The following TF variants were observed in gnomAD, a reference collection of about 807,000 sequenced individuals.
TF encodes serotransferrin.
Under a neutral mutation model 82.4 loss-of-function variants are expected in TF, and 55 were observed. The observed-to-expected ratio is 0.67, with a 90% CI of 0.54 to 0.84. The LOEUF (loss-of-function observed/expected upper bound fraction) is 0.84, where lower values mean the gene tolerates loss of function less well. TF is among the 40% of genes least tolerant of loss of function. The pLI is 0.00. For synonymous variants in TF, 332 were observed against 332.6 expected, an observed-to-expected ratio of 1.00 and a Z score of 0.02; for missense variants, 737 against 868.4, an observed-to-expected ratio of 0.85 and a Z score of 1.90.
chr3:133,758,046 C>T (rs1448062980), intron 8 of TF, 100 bp downstream of exon 8: 2 of 1,132,838 alleles, frequency 1.8e-6, no homozygotes, highest in African/African-American at 1.6e-5. Context: ...CACGCCTCTC[C>T]TGATGCTCCT....
At chr3:133,730,381 C>G in the TF span, among the ~76,000 whole-genome samples, 1 of 152,214 alleles carries the variant, frequency 6.6e-6, no homozygotes, top group African/African-American at 2.4e-5. Context: ...TTCTGGAAGA[C>G]TCTCCCCTGG....
chr3:133,735,254 T>G, the TF span, among the ~76,000 whole-genome samples: 54 of 151,132 alleles, frequency 3.6e-4, no homozygotes, highest in Middle Eastern at 3.4e-3. Flanking sequence ...CACAGAGAAT[T>G]GCTTGAACCT....
intron 13 of TF, among the ~76,000 whole-genome samples, chr3:133,768,556 A>C (rs969496292): frequency 9.2e-5 from 14 of 152,222 alleles, no homozygotes; most frequent in African/African-American, 2.7e-4. Flanking sequence ...ACAACAAACA[A>C]TTATCCAGCC....
chr3:133,748,482 C>T lies in TF; in HGVS notation c.114C>T (p.Cys38=), dbSNP rs1245387700. ...CAVSEHEATK[C]QSFRDHMKSV... ...TGTCGGAGCATGAGGCCACTAAGTGCCAGAGTTTCCGCGACCATATGAAAA... is the reference window on the plus strand; with the variant it reads ...TGTCGGAGCATGAGGCCACTAAGTGTCAGAGTTTCCGCGACCATATGAAAA... Residue 38 remains cysteine (C), a synonymous_variant, in exon 2 of 17, where the codon TGC becomes TGT. Coordinates refer to ENST00000402696, the MANE Select transcript of TF (RefSeq NM_001063.4). 1.2e-6 allele frequency: 2 copies of T among 1,614,138 alleles called. No homozygotes were observed. The highest frequency in any genetic ancestry group is 1.7e-6 in the Non-Finnish European group (2 of 1,180,034).
At chr3:133,686,825 C>A in the TF span, among the ~76,000 whole-genome samples, 3 of 152,192 alleles carry the variant, frequency 2.0e-5, no homozygotes, top group Non-Finnish European at 2.9e-5. Context: ...TACCATTTTA[C>A]CCAACCATCC....
Position 133,775,469 on chromosome 3 carries a change from A to C in TF, c.1724A>C (p.Glu575Ala), listed in dbSNP as rs1484015826. 1.4e-5 allele frequency: 23 copies of C among 1,614,086 alleles called. No individual in the cohort carries two copies. Among genetic ancestry groups the C allele is most frequent in the Non-Finnish European group, 1.9e-5 (22 of 1,180,046 alleles). Reference sequence around the variant, plus strand: ...GATCCATGGGCTAAGAATCTGAATGAAAAAGACTATGAGTTGCTGTGCCTT... The same window carrying C: ...GATCCATGGGCTAAGAATCTGAATGCAAAAGACTATGAGTTGCTGTGCCTT... Reference protein sequence around the residue: ...NPDPWAKNLNEKDYELLCLDG... With the variant: ...NPDPWAKNLNAKDYELLCLDG... The change falls in exon 15 of 17, where the codon GAA becomes GCA. Residue 575 changes from glutamate (E) to alanine (A), a missense_variant. Transcript: ENST00000402696.
chr3:133,759,105 G>C, intron 8 of TF, 70 bp from the exon 9 acceptor site: 1 of 1,587,982 alleles, frequency 6.3e-7, no homozygotes, highest in East Asian at 2.2e-5. Flanking sequence ...TGAAGACAGT[G>C]AGTAGTGCTG....
the TF span, among the ~76,000 whole-genome samples, chr3:133,727,199 C>G: frequency 6.6e-6 from 1 of 151,936 alleles, no homozygotes; most frequent in East Asian, 1.9e-4. Flanking sequence ...AGTTCAATTC[C>G]TGGGTATCCT....
intron 2 of TF, among the ~76,000 whole-genome samples, chr3:133,749,282 A>T (rs1477284515): frequency 6.6e-6 from 1 of 152,206 alleles, no homozygotes; most frequent in Non-Finnish European, 1.5e-5. Context: ...AAGTGTCCTG[A>T]TTGCAGGTGA....
rs1934963452 is a variant in TF at position 133,796,103 on chromosome 3, C to T, written c.*17483C>T. The T allele has an allele frequency of 6.5e-6, 1 of 153,260 alleles. No individual in the cohort carries two copies. The allele number at this position is 153,260 out of a possible 1,614,324, so 9.5% of individuals were successfully genotyped here. Reference sequence around the variant, plus strand: ...CATAGATATCCACCCCCTGAGTTCCCATTAAATCTTTTAACCAAATTAATT... The same window carrying T: ...CATAGATATCCACCCCCTGAGTTCCTATTAAATCTTTTAACCAAATTAATT... On this transcript the variant is annotated 3_prime_UTR_variant, in exon 17 of 17. Coordinates refer to ENST00000402696, the MANE Select transcript of TF (RefSeq NM_001063.4).
At chr3:133,684,371 A>G in the TF span, among the ~76,000 whole-genome samples, 1 of 152,212 alleles carries the variant, frequency 6.6e-6, no homozygotes, top group South Asian at 2.1e-4. Flanking sequence ...ACTGAAGGAG[A>G]TAGAGACACA....
chr3:133,757,967 A>C (rs961895410), intron 8 of TF, 21 bp downstream of exon 8: 2 of 1,613,510 alleles, frequency 1.2e-6, no homozygotes, highest in African/African-American at 2.7e-5. Flanking sequence ...GGGAAGAACC[A>C]GGTGACCACA....
the TF span, among the ~76,000 whole-genome samples, chr3:133,686,024 A>G: frequency 6.6e-6 from 1 of 152,232 alleles, no homozygotes; most frequent in East Asian, 1.9e-4. Context: ...AAGAGAACAG[A>G]GTCCTCAGAA....
At position 133,783,754 on chromosome 3, in the gene TF, C is replaced by T. The variant is rs1326418486; in HGVS notation, c.*5134C>T. On this transcript the variant is annotated 3_prime_UTR_variant, in exon 17 of 17. Coordinates refer to ENST00000402696, the MANE Select transcript of TF (RefSeq NM_001063.4). ...CTGCTGGGCCCTCCAGGCCCTCCGC[C>T]CGGTAGAACCCGGAGCCCTGGCCGC... The T allele has an allele frequency of 2.0e-5, 3 of 152,248 alleles. No individual in the cohort carries two copies. The highest frequency in any genetic ancestry group is 2.0e-4 in the Admixed American group (3 of 15,288). 9.4% of individuals were successfully genotyped at this position (152,248 alleles called of 1,614,324 possible).
chr3:133,773,808 C>T (rs548895845), intron 14 of TF: 2 of 152,260 alleles, frequency 1.3e-5, no homozygotes, highest in South Asian at 4.1e-4. Flanking sequence ...CATAAGTCCT[C>T]ACAAACCCAC....
rs952683873 is a variant in TF, at chr3:133,793,683, T to C, written c.*15063T>C. The stretch of plus-strand genomic sequence containing the variant: ...TCCTTGTCAATTGTGTTTTTAACTA[T>C]AACTATTTAAAGTCATTTCCACAGT... On this transcript the variant is annotated 3_prime_UTR_variant, in exon 17 of 17. Coordinates refer to ENST00000402696, the MANE Select transcript of TF (RefSeq NM_001063.4). The C allele has an allele frequency of 6.6e-6, 1 of 152,186 alleles. No individual in the cohort carries two copies. The highest frequency in any genetic ancestry group is 2.4e-5 in the African/African-American group (1 of 41,454). The allele number at this position is 152,186 out of a possible 1,614,324, so 9.4% of individuals were successfully genotyped here.
chr3:133,778,939 T>C lies in TF; in HGVS notation c.*319T>C, dbSNP rs1479827561. 1.1e-5 allele frequency: 4 copies of C among 350,286 alleles called. No homozygotes were observed. The highest frequency in any genetic ancestry group is 2.1e-5 in the African/African-American group (1 of 47,006). 21.7% of individuals were successfully genotyped at this position (350,286 alleles called of 1,614,324 possible). ...TTGTGTGTGCCATGGCCACATCTCC[T>C]GGGTACAGTTCAAGGAGACATCTTT... On this transcript the variant is annotated 3_prime_UTR_variant, in exon 17 of 17. Transcript: ENST00000402696.
At chr3:133,764,981 A>G (rs993985815) in intron 11 of TF, 74 bp downstream of exon 11, 48 of 1,507,028 alleles carry the variant, frequency 3.2e-5, no homozygotes, top group Non-Finnish European at 4.2e-5. Context: ...TAGATTTAAA[A>G]TTCAAGTATA....
chr3:133,696,530 A>C, the TF span, among the ~76,000 whole-genome samples: 7 of 152,170 alleles, frequency 4.6e-5, no homozygotes, highest in African/African-American at 1.7e-4. Flanking sequence ...TTCATCTATA[A>C]ATCTACTAAA....
Sources: allele counts gnomAD v4.1 joint callset (sites outside exome capture counted in the v4.1 genomes callset), GRCh38; gene constraint gnomAD v4.1.1; transcripts MANE v1.5; gene names NCBI Gene and HGNC (gene_info 2026-07-23, HGNC 2026-07-21).